The following RIMBP2 variants were observed in gnomAD, a reference collection of about 807,000 sequenced individuals.
RIMBP2 encodes the protein RIMS-binding protein 2.
Under a neutral mutation model 118.6 loss-of-function variants are expected in RIMBP2, and 48 were observed. That is an observed-to-expected ratio of 0.40 (90% confidence interval 0.32 to 0.51). The LOEUF is 0.51. RIMBP2 is among the 20% of genes least tolerant of loss of function. RIMBP2 has a pLI of 0.41. For synonymous variants in RIMBP2, 762 were observed against 742.9 expected, an observed-to-expected ratio of 1.03 and a Z score of -0.42; for missense variants, 1,551 against 1,768.3, an observed-to-expected ratio of 0.88 and a Z score of 2.20.
At chr12:130,574,676 T>C (rs988026517) in intron 2 of RIMBP2, among the ~76,000 whole-genome samples, 1 of 152,074 alleles carries the variant, frequency 6.6e-6, no homozygotes, top group African/African-American at 2.4e-5. Flanking sequence ...GACTGAACAG[T>C]GGTCCCTGGC....
intron 2 of RIMBP2, among the ~76,000 whole-genome samples, chr12:130,599,110 C>T (rs1275174384): frequency 6.6e-6 from 1 of 152,156 alleles, no homozygotes; most frequent in African/African-American, 2.4e-5. Context: ...AATAAGTAAA[C>T]TTCAACATCC....
At chr12:130,401,696 G>A (rs190043372) in intron 21 of RIMBP2, among the ~76,000 whole-genome samples, 3 of 151,984 alleles carry the variant, frequency 2.0e-5, no homozygotes, top group East Asian at 3.9e-4. Context: ...TGCCCCTGGC[G>A]ATTTCTTCCT....
intron 13 of RIMBP2, among the ~76,000 whole-genome samples, chr12:130,435,630 C>T (rs532929416): frequency 1.3e-5 from 2 of 152,302 alleles, no homozygotes; most frequent in South Asian, 4.1e-4. Context: ...TGGGCTCCTG[C>T]CTGTGAACCA....
At position 130,511,970 on chromosome 12, in the gene RIMBP2, C is replaced by T. The variant is rs75147782; in HGVS notation, c.-126-5200G>A. On this transcript the variant is annotated intron_variant, in intron 3 of 22. Coordinates refer to ENST00000690449, the MANE Select transcript of RIMBP2 (RefSeq NM_001393629.1). This position sits in a 1 kb window ranked among gnomAD's most constrained non-coding sequence, Gnocchi z 4.3. ...TGCCCTTCGTATGAAACCCACCAAG[C>T]TCAGGCTTCTGTGAGGGGCAGCTGG... Among the ~76,000 whole-genome samples, 354 of 152,306 alleles carry T rather than the reference C, an allele frequency of 2.3e-3. 14 individuals are homozygous for T. In the East Asian group the frequency reaches 0.059, roughly 25 times the overall value.
At chr12:130,701,245 C>T (rs1384206247) in intron 1 of RIMBP2, among the ~76,000 whole-genome samples, 1 of 152,192 alleles carries the variant, frequency 6.6e-6, no homozygotes, top group African/African-American at 2.4e-5. Context: ...CCGGGGCCCT[C>T]ACGCTGTAAG....
chr12:130,470,034 G>A (rs533890415), intron 6 of RIMBP2, among the ~76,000 whole-genome samples: 181 of 152,328 alleles, frequency 1.2e-3, no homozygotes, highest in African/African-American at 4.2e-3. Context: ...CAGGAGCCAG[G>A]GACAGGGGTG....
rs530784601 is a variant in RIMBP2, at chr12:130,523,113, C to A, written c.-216-5196G>T. Among the ~76,000 whole-genome samples the A allele has an allele frequency of 1.3e-5, 2 of 151,910 alleles. No homozygotes were observed. Among genetic ancestry groups the A allele is most frequent in the African/African-American group, 4.8e-5 (2 of 41,336 alleles). On this transcript the variant is annotated intron_variant, in intron 2 of 22. Coordinates refer to ENST00000690449, the MANE Select transcript of RIMBP2 (RefSeq NM_001393629.1). This position sits in a 1 kb window ranked among gnomAD's most constrained non-coding sequence, Gnocchi z 4.4. ...CTGTTTCTCTGCTTCTTCTGTCTCT[C>A]CCAGTCTCACTCTGCCTCTCTCTCT...
chr12:130,549,928 G>A (rs12426604), intron 2 of RIMBP2, among the ~76,000 whole-genome samples: 3,245 of 152,080 alleles, frequency 0.021, 223 homozygotes, highest in East Asian at 0.16. Flanking sequence ...TTGAGGAGTC[G>A]CCATACTGCT....
intron 1 of RIMBP2, among the ~76,000 whole-genome samples, chr12:130,714,323 C>G (rs1397134427): frequency 6.6e-6 from 1 of 152,202 alleles, no homozygotes; most frequent in Non-Finnish European, 1.5e-5. Context: ...CAGGAGCTCT[C>G]AGCCCGGCTG....
chr12:130,531,572 T>C (rs563361567), intron 2 of RIMBP2, among the ~76,000 whole-genome samples: 2 of 152,378 alleles, frequency 1.3e-5, no homozygotes, highest in South Asian at 2.1e-4. Flanking sequence ...TCAACTATTA[T>C]TAAACATTAG....
chr12:130,598,018 A>G (rs1160738635), intron 2 of RIMBP2, among the ~76,000 whole-genome samples: 5 of 152,240 alleles, frequency 3.3e-5, no homozygotes. Flanking sequence ...AGCTACAAAG[A>G]ACTATTAAAT....
chr12:130,662,352 CTGGGAAGCTTT>C (rs1477232513), intron 1 of RIMBP2, among the ~76,000 whole-genome samples: 1 of 152,138 alleles, frequency 6.6e-6, no homozygotes, highest in African/African-American at 2.4e-5. Flanking sequence ...ACCAAGCCAC[CTGGGAAGCTTT>C]TAGGAATCTG....
chr12:130,432,427 C>T (rs775163763), intron 14 of RIMBP2, among the ~76,000 whole-genome samples: 11 of 152,178 alleles, frequency 7.2e-5, no homozygotes, highest in South Asian at 4.1e-4. Flanking sequence ...CCTGTGCTAT[C>T]GTGGCAGGTG....
intron 7 of RIMBP2, among the ~76,000 whole-genome samples, chr12:130,455,026 G>A (rs2079303179): frequency 6.6e-6 from 1 of 152,262 alleles, no homozygotes; most frequent in South Asian, 2.1e-4. Flanking sequence ...GGAGTCTGGA[G>A]CTTCGGTGGG....
chr12:130,424,618 G>A lies in RIMBP2; in HGVS notation c.2653C>T (p.Pro885Ser). 8.1e-7 allele frequency: 1 copy of A among 1,231,756 alleles called. No individual in the cohort carries two copies. Among genetic ancestry groups the A allele is most frequent in the Non-Finnish European group, 1.0e-6 (1 of 987,756 alleles). 76.3% of individuals were successfully genotyped at this position (1,231,756 alleles called of 1,614,324 possible). Residue 885 changes from proline to serine, a missense_variant, in exon 16 of 23, where the codon CCG becomes TCG. By Grantham distance (74) the Pro-to-Ser change is moderately conservative (BLOSUM62 -1). Around this residue, in one of 5 missense-constraint regions of RIMBP2, gnomAD observed 1,038 missense variants for 1,125.1 expected, o/e 0.92. Coordinates refer to ENST00000690449, the MANE Select transcript of RIMBP2 (RefSeq NM_001393629.1). The surrounding 1 kb of genome is among the most constrained non-coding windows in gnomAD (Gnocchi z 9.8). ...GCCCCCGAGCCCCTGTGCTTCACCG[G>A]GAACCAGGAGCCCCGAGGGGCCTCG... Reference protein sequence around the residue: ...GDEAPRGSWFPVKHRGSGAVP... With the variant: ...GDEAPRGSWFSVKHRGSGAVP...
intron 2 of RIMBP2, among the ~76,000 whole-genome samples, chr12:130,563,420 G>T (rs762096735): frequency 8.5e-5 from 13 of 152,198 alleles, no homozygotes; most frequent in Non-Finnish European, 1.3e-4. Flanking sequence ...AAAGTCAATG[G>T]GGTTGAATTT....
intron 2 of RIMBP2, among the ~76,000 whole-genome samples, chr12:130,592,690 A>C (rs1156892974): frequency 6.6e-6 from 1 of 151,512 alleles, no homozygotes; most frequent in African/African-American, 2.4e-5. Flanking sequence ...GTCAAAAAAA[A>C]AAAAAGGATG....
rs746864072 is a variant in RIMBP2 at position 130,441,911 on chromosome 12, G to C, written c.1441C>G (p.Gln481Glu). The change falls in exon 11 of 23, where the codon CAG becomes GAG. Residue 481 changes from glutamine to glutamate, a missense_variant. Physicochemically the swap from Gln to Glu is conservative, Grantham distance 29 (BLOSUM62 2). Coordinates refer to ENST00000690449, the MANE Select transcript of RIMBP2 (RefSeq NM_001393629.1). Reference sequence around the variant, plus strand: ...TTCTCCCTTTGCTCCAGCGGGAGCTGCCACGGCATCTGGTGGGGTTTGGCC... The same window carrying C: ...TTCTCCCTTTGCTCCAGCGGGAGCTCCCACGGCATCTGGTGGGGTTTGGCC... ...VLAKPHQMPW[Q>E]LPLEQREKKE... is the part of the protein sequence containing the mutation. 10 of 1,613,802 alleles carry C rather than the reference G, an allele frequency of 6.2e-6. No individual in the cohort carries two copies. Among genetic ancestry groups the C allele is most frequent in the African/African-American group, 1.3e-5 (1 of 74,950 alleles).
intron 2 of RIMBP2, among the ~76,000 whole-genome samples, chr12:130,567,365 A>G (rs2057293564): frequency 6.6e-6 from 1 of 152,210 alleles, no homozygotes; most frequent in African/African-American, 2.4e-5. Context: ...GCTGATGCTT[A>G]TTAGTTTGCA....
Sources: gnomAD v4.1 joint callset for allele counts (sites outside exome capture counted in the v4.1 genomes callset) on GRCh38, gnomAD v4.1.1 for gene constraint, gnomAD v4.1.1 regional missense constraint, Gnocchi (gnomAD v3.1) non-coding constraint, MANE v1.5 for transcripts, NCBI Gene and HGNC (gene_info 2026-07-23, HGNC 2026-07-21) for gene names.